The following MAD1L1 variants were observed in gnomAD, a reference collection of about 807,000 sequenced individuals.
MAD1L1 encodes mitotic spindle assembly checkpoint protein MAD1.
MAD1L1 carries 95 observed loss-of-function variants against 96.9 expected under a neutral mutation model. That is an observed-to-expected ratio of 0.98 (90% confidence interval 0.83 to 1.16). The LOEUF is 1.16. Among genes scored for constraint, MAD1L1 ranks in the 50% most tolerant of loss-of-function variants. The probability of loss-of-function intolerance (pLI) is 0.00; values close to 1 mark genes in which losing one functional copy is unlikely to be tolerated. For missense variants in MAD1L1, 1,007 were observed against 954.4 expected, an observed-to-expected ratio of 1.06 and a Z score of -0.73; for synonymous variants, 473 against 396.6, an observed-to-expected ratio of 1.19 and a Z score of -2.29.
chr7:2,083,580 C>A (rs926701235), intron 11 of MAD1L1, among the ~76,000 whole-genome samples: 1 of 152,180 alleles, frequency 6.6e-6, no homozygotes, highest in South Asian at 2.1e-4. Flanking sequence ...CAGCGCAGGG[C>A]GGGCTGTCGG....
intron 15 of MAD1L1, among the ~76,000 whole-genome samples, chr7:1,977,465 A>C (rs938621987): frequency 1.3e-5 from 2 of 151,888 alleles, no homozygotes; most frequent in African/African-American, 2.4e-5. Flanking sequence ...TGTGAGCACC[A>C]CGCACGCAAC....
chr7:2,014,781 C>T (rs1170446730), intron 12 of MAD1L1, 139 bp from the exon 13 acceptor site: 3 of 909,416 alleles, frequency 3.3e-6, no homozygotes, highest in African/African-American at 3.4e-5. Flanking sequence ...TCAGAGCCCA[C>T]CCCTGAGGGC....
chr7:2,135,552 T>C (rs1457815623), intron 11 of MAD1L1, among the ~76,000 whole-genome samples: 2 of 152,210 alleles, frequency 1.3e-5, no homozygotes, highest in Admixed American at 1.3e-4. Context: ...ATAAAAACTC[T>C]TTGTTTTCGG....
intron 18 of MAD1L1, among the ~76,000 whole-genome samples, chr7:1,845,094 G>C (rs1783521231): frequency 6.6e-6 from 1 of 152,242 alleles, no homozygotes; most frequent in South Asian, 2.1e-4. Flanking sequence ...GCAGCGGGGA[G>C]AGCAGAGCGA....
At chr7:2,052,528 G>A (rs903308997) in intron 12 of MAD1L1, among the ~76,000 whole-genome samples, 4 of 151,110 alleles carry the variant, frequency 2.6e-5, no homozygotes, top group Non-Finnish European at 4.4e-5. Flanking sequence ...CGGGCACGGT[G>A]CCCAGGGAGG....
At chr7:2,007,894 A>C (rs1782105748) in intron 13 of MAD1L1, among the ~76,000 whole-genome samples, 1 of 152,220 alleles carries the variant, frequency 6.6e-6, no homozygotes, top group South Asian at 2.1e-4. Context: ...TTTTGTAATA[A>C]AAGTAAATGA....
At chr7:1,915,483 G>A (rs1788323824) in intron 17 of MAD1L1, among the ~76,000 whole-genome samples, 1 of 152,214 alleles carries the variant, frequency 6.6e-6, no homozygotes, top group African/African-American at 2.4e-5. Flanking sequence ...GGGGCAGCGA[G>A]GAACGCCACA....
At chr7:2,006,843 G>A (rs1343064041) in intron 13 of MAD1L1, among the ~76,000 whole-genome samples, 1 of 152,182 alleles carries the variant, frequency 6.6e-6, no homozygotes, top group Non-Finnish European at 1.5e-5. Flanking sequence ...AAATGCGCTA[G>A]AACTTCTCCT....
At chr7:2,042,038 C>T (rs1011020838) in intron 12 of MAD1L1, among the ~76,000 whole-genome samples, 7 of 151,952 alleles carry the variant, frequency 4.6e-5, no homozygotes, top group African/African-American at 1.2e-4. Context: ...CACACGCACA[C>T]GGACATGCAC....
chr7:1,911,049 C>T (rs367697011), intron 17 of MAD1L1, among the ~76,000 whole-genome samples: 4 of 149,984 alleles, frequency 2.7e-5, no homozygotes, highest in Admixed American at 6.7e-5. Context: ...CCTGATTAGC[C>T]GTGAGGATTC....
intron 16 of MAD1L1, 149 bp downstream of exon 16, chr7:1,957,480 G>C: frequency 2.5e-6 from 2 of 784,816 alleles, no homozygotes; most frequent in Non-Finnish European, 2.0e-6. Flanking sequence ...TCCCTGCCAG[G>C]CAAGGGGGTG....
In MAD1L1 at chr7:1,818,015, G is replaced by A. The variant is rs184804065; in HGVS notation, c.1999-1787C>T. 3.9e-4 allele frequency among the ~76,000 whole-genome samples: 59 copies of A among 152,028 alleles called. 2 individuals are homozygous for A. In the East Asian group the frequency reaches 9.9e-3, roughly 25 times the overall value. ...CCCTCCCCCTGTTTCTGCTGCCTTA[G>A]TACATTTGGCCTTGTCATAGTTCAA... On this transcript the variant is annotated intron_variant, in intron 18 of 18. Transcript: ENST00000265854.
At chr7:2,091,502 A>G (rs940565694) in intron 11 of MAD1L1, among the ~76,000 whole-genome samples, 1 of 152,234 alleles carries the variant, frequency 6.6e-6, no homozygotes, top group Admixed American at 6.5e-5. Context: ...CTGGCCGGAC[A>G]CGGTAGCTCA....
intron 18 of MAD1L1, among the ~76,000 whole-genome samples, chr7:1,877,876 T>G (rs1785465047): frequency 6.6e-6 from 1 of 151,892 alleles, no homozygotes; most frequent in African/African-American, 2.4e-5. Context: ...AAATAGGGAT[T>G]AAAAATATAG....
chr7:2,159,963 C>T (rs1257902879), intron 10 of MAD1L1, among the ~76,000 whole-genome samples: 1 of 152,164 alleles, frequency 6.6e-6, no homozygotes, highest in Non-Finnish European at 1.5e-5. Context: ...CGCAGTGGCT[C>T]ATGCCTGTAA....
chr7:1,912,172 C>G (rs955947588), intron 17 of MAD1L1, among the ~76,000 whole-genome samples: 1 of 152,158 alleles, frequency 6.6e-6, no homozygotes, highest in African/African-American at 2.4e-5. Flanking sequence ...GCCCTGCGTG[C>G]GGGTACAGAC....
At chr7:1,918,753 A>C (rs1228239233) in intron 17 of MAD1L1, among the ~76,000 whole-genome samples, 1 of 152,224 alleles carries the variant, frequency 6.6e-6, no homozygotes, top group Non-Finnish European at 1.5e-5. Context: ...AGCCTTCAGC[A>C]AAGCCACTGT....
intron 18 of MAD1L1, among the ~76,000 whole-genome samples, chr7:1,833,976 C>T (rs908633570): frequency 2.6e-5 from 4 of 152,022 alleles, no homozygotes; most frequent in African/African-American, 4.8e-5. Context: ...TAGACCGTTC[C>T]GAGAATGTTC....
intron 11 of MAD1L1, among the ~76,000 whole-genome samples, chr7:2,139,990 C>T (rs956705847): frequency 1.3e-4 from 19 of 150,054 alleles, no homozygotes; most frequent in Non-Finnish European, 2.1e-4. Context: ...ATCTGGACCC[C>T]GCCCCCCCCC....
Sources: gnomAD v4.1 joint callset for allele counts (sites outside exome capture counted in the v4.1 genomes callset) on GRCh38, gnomAD v4.1.1 for gene constraint, MANE v1.5 for transcripts, NCBI Gene and HGNC (gene_info 2026-07-23, HGNC 2026-07-21) for gene names.